CNPY1: variants seen among roughly 807,000 people sequenced by gnomAD.
The protein encoded by CNPY1 is canopy FGF signaling regulator 1.
A neutral mutation model predicts 14.4 loss-of-function variants in CNPY1; 14 were observed. The ratio of observed to expected loss-of-function variants is 0.97; its 90% confidence interval spans 0.64 to 1.52. The LOEUF is 1.52. Ranked by LOEUF, CNPY1 falls within the 40% of genes most tolerant of loss-of-function variation. The pLI, the probability that CNPY1 is intolerant of heterozygous loss-of-function variation, is 0.00. For missense variants in CNPY1, 129 were observed against 131.5 expected (o/e 0.98, Z 0.09); for synonymous variants, 43 against 46.5 (o/e 0.92, Z 0.31).
intron 3 of CNPY1, 43 bp from the exon 4 acceptor site, chr7:155,507,159 G>T: frequency 8.0e-7 from 1 of 1,242,294 alleles, no homozygotes; most frequent in Non-Finnish European, 1.2e-6. Flanking sequence ...GACGCACACT[G>T]GCGGGGCACT....
At chr7:155,528,870 C>T (rs558937672) in intron 2 of CNPY1, among the ~76,000 whole-genome samples, 1 of 152,122 alleles carries the variant, frequency 6.6e-6, no homozygotes, top group Non-Finnish European at 1.5e-5. Context: ...ACCATCCTGG[C>T]TAACATGATG....
chr7:155,543,696 T>C (rs1789868572), intron 2 of CNPY1, among the ~76,000 whole-genome samples: 1 of 152,172 alleles, frequency 6.6e-6, no homozygotes, highest in African/African-American at 2.4e-5. Flanking sequence ...ACACAAGGGC[T>C]TTAAAGACGA....
chr7:155,503,551 A>G (rs1796193066), intron 4 of CNPY1, among the ~76,000 whole-genome samples: 1 of 152,218 alleles, frequency 6.6e-6, no homozygotes, highest in African/African-American at 2.4e-5. Flanking sequence ...GAAAAAGGCT[A>G]TGGATTACTT....
At chr7:155,519,770 A>T (rs1052605121) in intron 2 of CNPY1, among the ~76,000 whole-genome samples, 4 of 152,138 alleles carry the variant, frequency 2.6e-5, no homozygotes, top group African/African-American at 9.7e-5. Flanking sequence ...CATCCTGACA[A>T]ATCAAAGTGT....
At chr7:155,515,127 C>T (rs1161054998) in intron 2 of CNPY1, among the ~76,000 whole-genome samples, 1 of 152,094 alleles carries the variant, frequency 6.6e-6, no homozygotes, top group Non-Finnish European at 1.5e-5. Flanking sequence ...GCAAGCAAAC[C>T]AGAAAACATT....
rs372532111 is a variant in CNPY1, at chr7:155,508,914, A to G, written c.283T>C (p.Tyr95His). The change falls in exon 3 of 5, where the codon TAC becomes CAC. Residue 95 changes from tyrosine (Y) to histidine (H), a missense_variant. Coordinates refer to ENST00000636446, the MANE Select transcript of CNPY1 (RefSeq NM_001393663.1). Reference sequence around the variant, plus strand: ...CTTACCGCAAATTTCAAAGGTCTGTAAGCATCAGAATAAAAATACAATTTT... The same window carrying G: ...CTTACCGCAAATTTCAAAGGTCTGTGAGCATCAGAATAAAAATACAATTTT... The part of the protein sequence containing the change: ...FKKLYFYSDA[Y>H]RPLKFACETI... 20 of 1,613,730 alleles carry G rather than the reference A, an allele frequency of 1.2e-5. No homozygotes were observed. The highest frequency in any genetic ancestry group is 1.7e-5 in the Non-Finnish European group (20 of 1,179,940).
At chr7:155,505,982 C>A (rs1450853784) in intron 4 of CNPY1, among the ~76,000 whole-genome samples, 1 of 151,962 alleles carries the variant, frequency 6.6e-6, no homozygotes, top group African/African-American at 2.4e-5. Flanking sequence ...AAAAACAAAA[C>A]CAAAAACAAA....
chr7:155,533,398 C>A (rs1431219709), intron 2 of CNPY1, among the ~76,000 whole-genome samples: 1 of 152,232 alleles, frequency 6.6e-6, no homozygotes, highest in African/African-American at 2.4e-5. Flanking sequence ...GCTCTCCACG[C>A]AAAGTTAACG....
chr7:155,514,739 A>G (rs1459892092), intron 2 of CNPY1, among the ~76,000 whole-genome samples: 1 of 152,032 alleles, frequency 6.6e-6, no homozygotes, highest in African/African-American at 2.4e-5. Context: ...TACTAAAAAT[A>G]CAAAATTAGC....
At chr7:155,533,620 G>A (rs893511034) in intron 2 of CNPY1, 1 of 152,236 alleles carries the variant, frequency 6.6e-6, no homozygotes, top group Non-Finnish European at 1.5e-5. Context: ...GAGGGGAAAA[G>A]CGGGTATCAA....
At position 155,508,918 on chromosome 7, in the gene CNPY1, A is replaced by T. The variant is rs751844060; in HGVS notation, c.279T>A (p.Asp93Glu). 7 of 1,613,920 alleles carry T rather than the reference A, an allele frequency of 4.3e-6. No homozygotes were observed. Among genetic ancestry groups the T allele is most frequent in the Non-Finnish European group, 5.9e-6 (7 of 1,179,962 alleles). Residue 93 changes from aspartate to glutamate, a missense_variant, in exon 3 of 5, where the codon GAT (aspartate) becomes GAA (glutamate). Asp to Glu is a conservative substitution (Grantham distance 45, BLOSUM62 2). Coordinates refer to ENST00000636446, the MANE Select transcript of CNPY1 (RefSeq NM_001393663.1). Reference sequence around the variant, plus strand: ...CCGCAAATTTCAAAGGTCTGTAAGCATCAGAATAAAAATACAATTTTTTAA... The same window carrying T: ...CCGCAAATTTCAAAGGTCTGTAAGCTTCAGAATAAAAATACAATTTTTTAA... ...QEFKKLYFYSDAYRPLKFACE... is the reference protein window; with the variant it reads ...QEFKKLYFYSEAYRPLKFACE...
chr7:155,544,498 G>A (rs1403087940), intron 2 of CNPY1, among the ~76,000 whole-genome samples: 1 of 152,130 alleles, frequency 6.6e-6, no homozygotes, highest in East Asian at 1.9e-4. Flanking sequence ...TTAAGACTCA[G>A]CTTATCTTCA....
chr7:155,522,259 G>T (rs982534821), intron 2 of CNPY1, among the ~76,000 whole-genome samples: 2 of 152,370 alleles, frequency 1.3e-5, no homozygotes, highest in East Asian at 1.9e-4. Context: ...TATCGCTACC[G>T]CATGTTGTAG....
At chr7:155,521,055 G>GAAGA (rs1554448786) in intron 2 of CNPY1, among the ~76,000 whole-genome samples, 4 of 99,310 alleles carry the variant, frequency 4.0e-5, no homozygotes, top group South Asian at 2.8e-4. Context: ...AAAAAAGAAA[G>GAAGA]AAGGAAGGAA....
At chr7:155,521,250 C>G (rs1231926681) in intron 2 of CNPY1, among the ~76,000 whole-genome samples, 1 of 152,174 alleles carries the variant, frequency 6.6e-6, no homozygotes, top group Non-Finnish European at 1.5e-5. Flanking sequence ...AGATCACATG[C>G]ATTCCGTAAA....
chr7:155,544,863 T>C (rs1204934887), intron 2 of CNPY1, among the ~76,000 whole-genome samples: 1 of 152,198 alleles, frequency 6.6e-6, no homozygotes, highest in East Asian at 1.9e-4. Flanking sequence ...AGCCCTCTCC[T>C]GTGGGAGGTA....
At chr7:155,514,905 GTAAAATAAAA>G (rs1159570893) in intron 2 of CNPY1, among the ~76,000 whole-genome samples, 1 of 148,878 alleles carries the variant, frequency 6.7e-6, no homozygotes, top group South Asian at 2.1e-4. Context: ...AAAAAATAAA[GTAAAATAAAA>G]TAAAATAAAA....
intron 4 of CNPY1, among the ~76,000 whole-genome samples, chr7:155,506,364 C>T (rs1365975021): frequency 3.3e-5 from 5 of 152,152 alleles, no homozygotes; most frequent in Admixed American, 6.5e-5. Flanking sequence ...GCCAACAGAG[C>T]GGAGAGTCAG....
intron 2 of CNPY1, among the ~76,000 whole-genome samples, chr7:155,537,855 A>C (rs991992252): frequency 6.6e-6 from 1 of 152,194 alleles, no homozygotes; most frequent in African/African-American, 2.4e-5. Context: ...CTAAAAAAAA[A>C]CCTTCAAAAC....
Sources: allele counts gnomAD v4.1 joint callset (sites outside exome capture counted in the v4.1 genomes callset), GRCh38; gene constraint gnomAD v4.1.1; transcripts MANE v1.5; gene names NCBI Gene and HGNC (gene_info 2026-07-23, HGNC 2026-07-21).